The following CEP112 variants were observed in gnomAD, a reference collection of about 807,000 sequenced individuals.
CEP112 encodes the protein centrosomal protein 112.
In CEP112, 127 loss-of-function variants were observed where a neutral mutation model predicts 153.0. The ratio of observed to expected loss-of-function variants is 0.83; its 90% CI spans 0.72 to 0.96. The LOEUF (loss-of-function observed/expected upper bound fraction) is 0.96, where lower values mean the gene tolerates loss of function less well. Ranked by LOEUF, CEP112 falls within the 40% of genes least tolerant of loss-of-function variation. The probability of loss-of-function intolerance (pLI) is 0.00; values close to 1 mark genes in which losing one functional copy is unlikely to be tolerated. For synonymous variants in CEP112, 358 were observed against 374.4 expected (o/e 0.96, Z 0.51); for missense variants, 1,089 against 1,101.2 (o/e 0.99, Z 0.16).
At position 65,682,313 on chromosome 17, in the gene CEP112, A is replaced by T. The variant is rs186290459; in HGVS notation, c.2697+6816T>A. 5.3e-5 allele frequency among the ~76,000 whole-genome samples: 8 copies of T among 152,268 alleles called. No individual in the cohort carries two copies. In the East Asian group the frequency reaches 1.5e-3, roughly 29 times the overall value. ...AGCCTGAATTTTTGCTTTTAAATGC[A>T]TCTTCACATTTACCCTCTTCTTTCT... On this transcript the variant is annotated intron_variant, in intron 24 of 26. Transcript: ENST00000535342.
intron 24 of CEP112, among the ~76,000 whole-genome samples, chr17:65,664,619 A>G (rs1022124565): frequency 1.3e-5 from 2 of 152,324 alleles, no homozygotes; most frequent in South Asian, 2.1e-4. Context: ...TAGAAATAAC[A>G]TGACTTGGTG....
intron 6 of CEP112, among the ~76,000 whole-genome samples, chr17:66,107,916 C>T (rs2068854750): frequency 1.3e-5 from 2 of 152,006 alleles, no homozygotes; most frequent in Non-Finnish European, 2.9e-5. Flanking sequence ...GCTACAGTAA[C>T]CAAAACAGCA....
At position 65,640,040 on chromosome 17, in the gene CEP112, G is replaced by A. The variant is rs7209635; in HGVS notation, c.2799+924C>T. On this transcript the variant is annotated intron_variant, in intron 25 of 26. Coordinates refer to ENST00000535342, the MANE Select transcript of CEP112 (RefSeq NM_001199165.4). ...TTTAGTAGAGACGGGGTTTCACCAC[G>A]TTGGCCAGGCTGGTCTCAAATTCCT... Among the ~76,000 whole-genome samples, 1,371 of 149,390 alleles carry A rather than the reference G, an allele frequency of 9.2e-3. 41 individuals are homozygous for A. Among genetic ancestry groups the A allele is most frequent in the African/African-American group, 0.031 (1,256 of 40,152 alleles).
In CEP112 at chr17:65,640,867, T is replaced by C. The variant is rs565198546; in HGVS notation, c.2799+97A>G. ...TAGTAGGTTATGCAATGACATCACA[T>C]TGATTTCTGGCAACAATTTGGAATC... On this transcript the variant is annotated intron_variant, in intron 25 of 26. Transcript: ENST00000535342. 3.6e-5 allele frequency: 27 copies of C among 756,434 alleles called. 1 individual carries two copies. The South Asian group carries it at 3.6e-4, about 10-fold the overall frequency. The allele number at this position is 756,434 out of a possible 1,614,324, so 46.9% of individuals were successfully genotyped here.
At chr17:66,023,371 C>G (rs188519533) in intron 16 of CEP112, among the ~76,000 whole-genome samples, 1 of 152,250 alleles carries the variant, frequency 6.6e-6, no homozygotes, top group African/African-American at 2.4e-5. Context: ...CATCAGACTT[C>G]TCAGCACAAA....
intron 24 of CEP112, among the ~76,000 whole-genome samples, chr17:65,669,613 A>C (rs1256325460): frequency 6.6e-6 from 1 of 152,180 alleles, no homozygotes; most frequent in African/African-American, 2.4e-5. Context: ...TGTCTAAAAA[A>C]GAAGAAAAGG....
intron 17 of CEP112, among the ~76,000 whole-genome samples, chr17:65,979,804 A>AT (rs1434273201): frequency 2.0e-5 from 3 of 152,192 alleles, no homozygotes; most frequent in Admixed American, 1.3e-4. Context: ...GTCACATCAT[A>AT]GCCACAACCT....
At chr17:66,182,521 A>T (rs926127883) in intron 2 of CEP112, 3 of 152,170 alleles carry the variant, frequency 2.0e-5, no homozygotes, top group African/African-American at 7.2e-5. Flanking sequence ...TCCCACTCCA[A>T]ACCTACCACT....
At chr17:65,785,798 A>G (rs970516673) in intron 21 of CEP112, among the ~76,000 whole-genome samples, 1 of 151,898 alleles carries the variant, frequency 6.6e-6, no homozygotes, top group African/African-American at 2.4e-5. Context: ...TAGTTTTACC[A>G]TTTATTTTTA....
At chr17:65,754,562 C>T (rs1598476618) in intron 21 of CEP112, among the ~76,000 whole-genome samples, 1 of 152,038 alleles carries the variant, frequency 6.6e-6, no homozygotes, top group Admixed American at 6.6e-5. Flanking sequence ...GAGCTGAGAT[C>T]GTGCCACTGT....
intron 12 of CEP112, among the ~76,000 whole-genome samples, chr17:66,045,271 T>A (rs947973458): frequency 1.3e-5 from 2 of 152,080 alleles, no homozygotes; most frequent in Admixed American, 1.3e-4. Context: ...GGTCTTGCTG[T>A]GTTGCTCAGG....
intron 17 of CEP112, among the ~76,000 whole-genome samples, chr17:65,985,843 C>CT (rs1483681317): frequency 5.6e-4 from 29 of 51,578 alleles, no homozygotes; most frequent in Middle Eastern, 0.014. Context: ...AGATCAAGGG[C>CT]TTTTGTTTTT....
chr17:65,862,646 A>C (rs2058347342), intron 20 of CEP112, among the ~76,000 whole-genome samples: 1 of 152,102 alleles, frequency 6.6e-6, no homozygotes, highest in Non-Finnish European at 1.5e-5. Context: ...CATGATGTTC[A>C]TTTTGTTGTA....
intron 6 of CEP112, among the ~76,000 whole-genome samples, chr17:66,124,586 C>T (rs755792649): frequency 1.3e-5 from 2 of 151,902 alleles, no homozygotes; most frequent in Non-Finnish European, 2.9e-5. Context: ...AAAATCCCCT[C>T]ACATTCTTCC....
chr17:65,694,762 A>G (rs1407820348), intron 23 of CEP112, among the ~76,000 whole-genome samples: 1 of 152,166 alleles, frequency 6.6e-6, no homozygotes, highest in Non-Finnish European at 1.5e-5. Flanking sequence ...AATGACCACA[A>G]TTGCTCAATA....
chr17:65,777,833 C>G (rs995670247), intron 21 of CEP112, among the ~76,000 whole-genome samples: 1 of 152,074 alleles, frequency 6.6e-6, no homozygotes, highest in South Asian at 2.1e-4. Flanking sequence ...GACTAAATGA[C>G]TCAAAGAAGT....
intron 6 of CEP112, among the ~76,000 whole-genome samples, chr17:66,123,277 C>G (rs1037276104): frequency 1.3e-5 from 2 of 152,206 alleles, no homozygotes; most frequent in Non-Finnish European, 1.5e-5. Flanking sequence ...GGAATTTAGC[C>G]ACCTCCACTT....
At chr17:65,781,543 C>A (rs997514254) in intron 21 of CEP112, among the ~76,000 whole-genome samples, 1 of 151,718 alleles carries the variant, frequency 6.6e-6, no homozygotes, top group Admixed American at 6.6e-5. Flanking sequence ...CCCAAATAAC[C>A]AAACCAATCC....
chr17:66,026,610 T>TC (rs1218368448), intron 16 of CEP112, among the ~76,000 whole-genome samples: 1 of 152,162 alleles, frequency 6.6e-6, no homozygotes, highest in Non-Finnish European at 1.5e-5. Flanking sequence ...AATACAGTTG[T>TC]CCCCCAGCAT....
Sources: allele counts gnomAD v4.1 joint callset (sites outside exome capture counted in the v4.1 genomes callset), GRCh38; gene constraint gnomAD v4.1.1; transcripts MANE v1.5; gene names NCBI Gene and HGNC (gene_info 2026-07-23, HGNC 2026-07-21).